The following SLC2A9 variants were observed in gnomAD, a reference collection of about 807,000 sequenced individuals.
SLC2A9 encodes solute carrier family 2, facilitated glucose transporter member 9.
In SLC2A9, 39 loss-of-function variants were observed where a neutral mutation model predicts 50.6. The ratio of observed to expected loss-of-function variants is 0.77; its 90% confidence interval spans 0.60 to 1.01. The LOEUF is 1.01. Ranked by LOEUF, SLC2A9 falls within the 50% of genes least tolerant of loss-of-function variation. The pLI, the probability that SLC2A9 is intolerant of heterozygous loss-of-function variation, is 0.00. For missense variants in SLC2A9, 686 were observed against 677.6 expected (o/e 1.01, Z -0.14); for synonymous variants, 324 against 276.9 (o/e 1.17, Z -1.69).
chr4:9,921,542 G>C (rs779211239), intron 6 of SLC2A9, among the ~76,000 whole-genome samples: 5 of 152,196 alleles, frequency 3.3e-5, no homozygotes, highest in African/African-American at 1.2e-4. Context: ...ACATGGCTCC[G>C]CCCCTCAGGG....
downstream of SLC2A9, among the ~76,000 whole-genome samples, chr4:9,779,426 T>A (rs1332937740): frequency 6.6e-6 from 1 of 151,728 alleles, no homozygotes; most frequent in Admixed American, 6.6e-5. Flanking sequence ...CTTTTTTTTT[T>A]TTTTTTGAGA....
At chr4:9,823,153 G>A (rs945026665), downstream of SLC2A9, among the ~76,000 whole-genome samples, 3 of 152,156 alleles carry the variant, frequency 2.0e-5, no homozygotes, top group Admixed American at 2.0e-4. Flanking sequence ...TACTTTTAGC[G>A]AACCTGAAAA....
intron 2 of SLC2A9, among the ~76,000 whole-genome samples, chr4:10,011,521 T>A (rs1024425502): frequency 6.6e-6 from 1 of 152,188 alleles, no homozygotes; most frequent in Non-Finnish European, 1.5e-5. Context: ...AGGTCAACGA[T>A]TACAATGGCA....
chr4:9,806,476 C>T (rs886438825), intron 3 of SLC2A9, among the ~76,000 whole-genome samples: 3 of 152,134 alleles, frequency 2.0e-5, no homozygotes, highest in Non-Finnish European at 4.4e-5. Flanking sequence ...GTGGGTAAAT[C>T]TCTGTTCGGG....
At chr4:9,908,422 A>G in intron 7 of SLC2A9, 77 bp from the exon 8 acceptor site, 1 of 1,047,076 alleles carries the variant, frequency 9.6e-7, no homozygotes, top group South Asian at 1.3e-5. Flanking sequence ...AAATTTGGGT[A>G]TCAGGTGGTC....
intron 1 of SLC2A9, among the ~76,000 whole-genome samples, chr4:10,033,656 A>T (rs1578393644): frequency 1.3e-5 from 2 of 151,868 alleles, no homozygotes; most frequent in African/African-American, 4.8e-5. Context: ...TTACCCCAAT[A>T]CGCCCACTCT....
Position 9,826,363 on chromosome 4 carries a change from T to G in SLC2A9, c.*34A>C. On this transcript the variant is annotated 3_prime_UTR_variant, in exon 12 of 12. Transcript: ENST00000264784. ...TCATCCATGTAGACAATCCTGTTTTTGACATAATTGTCCAACGTGGAGGAG... is the reference window on the plus strand; with the variant it reads ...TCATCCATGTAGACAATCCTGTTTTGGACATAATTGTCCAACGTGGAGGAG... 1.2e-5 allele frequency: 20 copies of G among 1,601,598 alleles called. No individual in the cohort carries two copies. The highest frequency in any genetic ancestry group is 1.7e-4 in the Middle Eastern group (1 of 6,030).
At chr4:9,878,992 G>T (rs956416631) in intron 10 of SLC2A9, 52 of 967,674 alleles carry the variant, frequency 5.4e-5, no homozygotes, top group Non-Finnish European at 6.3e-5. Context: ...CACACAGTAG[G>T]AACTTAATGA....
intron 5 of SLC2A9, among the ~76,000 whole-genome samples, chr4:9,964,313 C>T (rs1752735367): frequency 6.6e-6 from 1 of 152,112 alleles, no homozygotes; most frequent in Admixed American, 6.5e-5. Flanking sequence ...GTCCTGGGAA[C>T]ACGTTTTGAG....
At position 9,826,379 on chromosome 4, in the gene SLC2A9, C is replaced by T. The variant is rs368486099; in HGVS notation, c.*18G>A. The T allele has an allele frequency of 1.0e-4, 168 of 1,612,988 alleles. No individual in the cohort carries two copies. The African/African-American group carries it at 1.2e-3, about 11-fold the overall frequency. The stretch of plus-strand genomic sequence containing the variant: ...TCCTGTTTTTGACATAATTGTCCAA[C>T]GTGGAGGAGGAAACTTGTTAAGGCC... On this transcript the variant is annotated 3_prime_UTR_variant, in exon 12 of 12. Transcript: ENST00000264784.
chr4:9,828,699 T>G (rs1285318077), intron 11 of SLC2A9, among the ~76,000 whole-genome samples: 1 of 152,200 alleles, frequency 6.6e-6, no homozygotes, highest in Non-Finnish European at 1.5e-5. Context: ...GACTTAAAGG[T>G]CATTTTCTCA....
intron 10 of SLC2A9, among the ~76,000 whole-genome samples, chr4:9,856,332 G>T (rs4507358): frequency 0.31 from 47,342 of 152,030 alleles, 8,229 homozygotes; most frequent in African/African-American, 0.43. Flanking sequence ...TTTAAAAGAA[G>T]ACATACACGC....
intron 10 of SLC2A9, among the ~76,000 whole-genome samples, chr4:9,851,164 C>T: frequency 6.6e-6 from 1 of 152,222 alleles, no homozygotes; most frequent in East Asian, 1.9e-4. Flanking sequence ...TTGGCTGGCA[C>T]ACCCATCGAA....
chr4:9,950,543 C>T (rs562681094), intron 5 of SLC2A9, among the ~76,000 whole-genome samples: 7 of 152,060 alleles, frequency 4.6e-5, no homozygotes, highest in African/African-American at 1.4e-4. Flanking sequence ...AAATCAAAAC[C>T]GCAATGAGAT....
At chr4:9,782,740 C>A (rs753915673) in intron 3 of SLC2A9, 6 of 1,614,006 alleles carry the variant, frequency 3.7e-6, no homozygotes, top group Non-Finnish European at 5.1e-6. Context: ...TCTACATCCC[C>A]GTTGCCATCA....
chr4:9,938,654 C>T (rs1005852291), intron 6 of SLC2A9, among the ~76,000 whole-genome samples: 2 of 152,186 alleles, frequency 1.3e-5, no homozygotes, highest in African/African-American at 4.8e-5. Flanking sequence ...CAGCACCCTG[C>T]ACTTCAGTGA....
At chr4:9,897,597 G>A (rs763569605) in intron 8 of SLC2A9, among the ~76,000 whole-genome samples, 1 of 152,144 alleles carries the variant, frequency 6.6e-6, no homozygotes, top group African/African-American at 2.4e-5. Context: ...AAGGGAAAGT[G>A]TGGACACGGA....
chr4:9,992,012 T>C (rs77870747), intron 3 of SLC2A9, among the ~76,000 whole-genome samples: 8,778 of 152,356 alleles, frequency 0.058, 351 homozygotes, highest in East Asian at 0.13. Flanking sequence ...AAAATACAGA[T>C]GCCTTTTAAA....
chr4:9,815,573 G>A (rs1227370655), intron 3 of SLC2A9, among the ~76,000 whole-genome samples: 4 of 152,236 alleles, frequency 2.6e-5, no homozygotes, highest in African/African-American at 7.2e-5. Context: ...CAGTTTCATG[G>A]ATTAAGGAGG....
Sources: allele counts gnomAD v4.1 joint callset (sites outside exome capture counted in the v4.1 genomes callset), GRCh38; gene constraint gnomAD v4.1.1; transcripts MANE v1.5; gene names NCBI Gene and HGNC (gene_info 2026-07-23, HGNC 2026-07-21).